SYT1: variants seen among roughly 807,000 people sequenced by gnomAD.
SYT1 encodes the protein synaptotagmin 1, also known as synaptotagmin-1.
In SYT1, 8 loss-of-function variants were observed where a neutral mutation model predicts 44.8. That is an observed-to-expected ratio of 0.18 (90% CI 0.10 to 0.32). The LOEUF is 0.32. Among genes scored for constraint, SYT1 ranks in the 10% least tolerant of loss-of-function variants. The pLI is 1.00. For missense variants in SYT1, 286 were observed against 509.3 expected, an observed-to-expected ratio of 0.56 and a Z score of 4.22; for synonymous variants, 154 against 188.8, an observed-to-expected ratio of 0.82 and a Z score of 1.51.
chr12:78,941,317 C>A (rs1349987969), intron 1 of SYT1, among the ~76,000 whole-genome samples: 4 of 151,664 alleles, frequency 2.6e-5, no homozygotes, highest in African/African-American at 9.7e-5. Context: ...CGTGATCCGC[C>A]TGCCTCAGCC....
chr12:79,191,167 G>C (rs1208599479), intron 3 of SYT1, among the ~76,000 whole-genome samples: 1 of 151,724 alleles, frequency 6.6e-6, no homozygotes, highest in Admixed American at 6.6e-5. Context: ...TATTTTTGCA[G>C]ATGTTATTAT....
intron 9 of SYT1, chr12:79,419,281 T>C: frequency 1.9e-6 from 1 of 525,828 alleles, no homozygotes; most frequent in Non-Finnish European, 3.9e-6. Flanking sequence ...TGAATTCATT[T>C]AGAAAAGAGA....
intron 1 of SYT1, among the ~76,000 whole-genome samples, chr12:78,969,766 A>G (rs879871979): frequency 5.9e-5 from 9 of 152,194 alleles, no homozygotes; most frequent in Non-Finnish European, 1.2e-4. Flanking sequence ...GAGCCACTGA[A>G]GATTTTAAAT....
chr12:79,412,365 T>G (rs551559236), intron 9 of SYT1, among the ~76,000 whole-genome samples: 1 of 152,294 alleles, frequency 6.6e-6, no homozygotes, highest in African/African-American at 2.4e-5. Flanking sequence ...CTCCACCATC[T>G]TGCCTCTTAG....
intron 2 of SYT1, among the ~76,000 whole-genome samples, chr12:79,021,486 T>C (rs956294842): frequency 6.6e-6 from 1 of 151,832 alleles, no homozygotes; most frequent in Non-Finnish European, 1.5e-5. Flanking sequence ...CCTAAAATAC[T>C]GAAAATATCT....
In SYT1 at chr12:79,217,485, G is replaced by A. The variant is rs373372435; in HGVS notation, c.-17-18G>A. The stretch of plus-strand genomic sequence containing the variant: ...AGCCATTTTGAATTGTTCTGTCTTT[G>A]CTTCCCTCCCCTCACAGCTTCACCT... On this transcript the variant is annotated intron_variant, in intron 3 of 10. Coordinates refer to ENST00000261205, the MANE Select transcript of SYT1 (RefSeq NM_005639.3). 5.2e-6 allele frequency: 8 copies of A among 1,543,452 alleles called. No homozygotes were observed. Among genetic ancestry groups the A allele is most frequent in the South Asian group, 1.2e-5 (1 of 82,460 alleles).
chr12:79,138,669 G>A (rs188189025), intron 3 of SYT1, among the ~76,000 whole-genome samples: 2 of 152,328 alleles, frequency 1.3e-5, no homozygotes, highest in African/African-American at 4.8e-5. Context: ...GTGTGTGTGT[G>A]CATGCATGCA....
chr12:79,102,585 C>T (rs2138057501), intron 3 of SYT1, among the ~76,000 whole-genome samples: 1 of 152,278 alleles, frequency 6.6e-6, no homozygotes, highest in African/African-American at 2.4e-5. Context: ...ATGTGAGCAC[C>T]AGGACAGCAC....
chr12:79,223,949 G>A (rs1266256565), intron 4 of SYT1, among the ~76,000 whole-genome samples: 1 of 152,128 alleles, frequency 6.6e-6, no homozygotes, highest in African/African-American at 2.4e-5. Context: ...TGCTGCCTGG[G>A]GCTAGGGAAA....
chr12:78,880,416 C>G (rs1047235440), intron 1 of SYT1, among the ~76,000 whole-genome samples: 2 of 151,584 alleles, frequency 1.3e-5, no homozygotes, highest in Admixed American at 6.6e-5. Flanking sequence ...CTTCTTATCA[C>G]TTATCACTCT....
intron 1 of SYT1, among the ~76,000 whole-genome samples, chr12:78,947,482 CA>C (rs1878724892): frequency 6.8e-6 from 1 of 146,916 alleles, no homozygotes; most frequent in Non-Finnish European, 1.5e-5. Flanking sequence ...CAAATTTAGC[CA>C]GATGACAGAG....
At chr12:79,188,558 C>CT (rs922270806) in intron 3 of SYT1, among the ~76,000 whole-genome samples, 66 of 152,014 alleles carry the variant, frequency 4.3e-4, no homozygotes, top group Admixed American at 2.6e-3. Context: ...GTTTTCACAA[C>CT]TTTTTTTTAC....
chr12:78,955,585 C>A (rs1447184007), intron 1 of SYT1: 2 of 152,036 alleles, frequency 1.3e-5, no homozygotes, highest in East Asian at 3.9e-4. Context: ...GCTTCTTGGC[C>A]TCTTTTATAA....
At chr12:79,302,047 GC>G (rs1880178541) in intron 8 of SYT1, among the ~76,000 whole-genome samples, 1 of 152,106 alleles carries the variant, frequency 6.6e-6, no homozygotes, top group Admixed American at 6.5e-5. Flanking sequence ...AACTTTTCAT[GC>G]CACTGTCCAT....
chr12:79,037,805 G>T (rs577234057), intron 2 of SYT1, among the ~76,000 whole-genome samples: 3 of 151,764 alleles, frequency 2.0e-5, no homozygotes, highest in Non-Finnish European at 4.4e-5. Flanking sequence ...ATTACTTGAT[G>T]AATTCTTTTT....
intron 3 of SYT1, among the ~76,000 whole-genome samples, chr12:79,118,427 T>C (rs141189150): frequency 6.6e-6 from 1 of 152,318 alleles, no homozygotes; most frequent in African/African-American, 2.4e-5. Flanking sequence ...TTTGGATAGA[T>C]AAGTCATTTC....
chr12:78,962,591 G>A (rs1369990162), intron 1 of SYT1, among the ~76,000 whole-genome samples: 1 of 152,030 alleles, frequency 6.6e-6, no homozygotes, highest in Non-Finnish European at 1.5e-5. Context: ...TGGTGGGGGA[G>A]AGAGAGAGGT....
chr12:78,887,241 G>A (rs1157251391), intron 1 of SYT1, among the ~76,000 whole-genome samples: 3 of 151,922 alleles, frequency 2.0e-5, no homozygotes, highest in Non-Finnish European at 4.4e-5. Flanking sequence ...CCAGTATCTC[G>A]ATGCTGTGTT....
chr12:79,316,708 C>T (rs1158742183), intron 8 of SYT1, among the ~76,000 whole-genome samples: 1 of 152,212 alleles, frequency 6.6e-6, no homozygotes, highest in East Asian at 1.9e-4. Flanking sequence ...CAACTGGCAC[C>T]TCATAACACA....
Sources: allele counts gnomAD v4.1 joint callset (sites outside exome capture counted in the v4.1 genomes callset), GRCh38; gene constraint gnomAD v4.1.1; transcripts MANE v1.5; gene names NCBI Gene and HGNC (gene_info 2026-07-23, HGNC 2026-07-21).